Variants in IL1RAPL1 observed in about 807,000 individuals in gnomAD.
IL1RAPL1 encodes interleukin 1 receptor accessory protein like 1.
IL1RAPL1 carries 3 observed loss-of-function variants against 48.4 expected under a neutral mutation model. The observed-to-expected ratio is 0.06, with a 90% CI of 0.03 to 0.16. The LOEUF is 0.16. Ranked by LOEUF, IL1RAPL1 falls within the 10% of genes least tolerant of loss-of-function variation. The pLI, the probability that IL1RAPL1 is intolerant of heterozygous loss-of-function variation, is 1.00. For missense variants in IL1RAPL1, 349 were observed against 530.6 expected (o/e 0.66, Z 3.36); for synonymous variants, 185 against 187.7 (o/e 0.99, Z 0.12).
At chrX:29,644,496 A>G (rs1246115922) in intron 5 of IL1RAPL1, among the ~76,000 whole-genome samples, 1 of 110,906 alleles carries the variant, frequency 9.0e-6, no homozygotes, top group Non-Finnish European at 1.9e-5. Flanking sequence ...GAAATCACCC[A>G]TATCCAGGAC....
At chrX:28,812,317 G>T (rs1402784711) in intron 2 of IL1RAPL1, among the ~76,000 whole-genome samples, 1 of 110,224 alleles carries the variant, frequency 9.1e-6, no homozygotes, top group African/African-American at 3.3e-5. Flanking sequence ...ATATTGATTT[G>T]CCAAAGAATC....
intron 2 of IL1RAPL1, among the ~76,000 whole-genome samples, chrX:29,059,455 A>C (rs1258272041): frequency 8.9e-6 from 1 of 112,228 alleles, no homozygotes; most frequent in East Asian, 2.8e-4. Context: ...ATTTACACCT[A>C]AAACTATAGT....
chrX:28,926,976 C>T (rs1923759558), intron 2 of IL1RAPL1, among the ~76,000 whole-genome samples: 1 of 111,233 alleles, frequency 9.0e-6, no homozygotes, highest in Admixed American at 9.6e-5. Flanking sequence ...ATTACTACAG[C>T]CTTGAAATCC....
intron 3 of IL1RAPL1, among the ~76,000 whole-genome samples, chrX:29,285,501 G>A (rs141183369): frequency 0.042 from 3,111 of 74,255 alleles, 200 homozygotes; most frequent in African/African-American, 0.16. Context: ...CATTGCACTG[G>A]CAACAAGAGC....
intron 5 of IL1RAPL1, among the ~76,000 whole-genome samples, chrX:29,522,091 C>T (rs1935508876): frequency 8.9e-6 from 1 of 112,076 alleles, no homozygotes; most frequent in Admixed American, 9.5e-5. Context: ...GAGGCCACTA[C>T]AGCATTTATC....
intron 2 of IL1RAPL1, among the ~76,000 whole-genome samples, chrX:28,857,698 A>G (rs1921839484): frequency 9.0e-6 from 1 of 111,509 alleles, no homozygotes; most frequent in African/African-American, 3.3e-5. Context: ...CTTTCAAAAT[A>G]TTACTGCTTA....
intron 6 of IL1RAPL1, among the ~76,000 whole-genome samples, chrX:29,820,636 A>G (rs1439379919): frequency 8.9e-6 from 1 of 111,796 alleles, no homozygotes; most frequent in Non-Finnish European, 1.9e-5. Context: ...TCCAAACTAC[A>G]TTTCATGCTG....
chrX:29,310,291 A>G (rs1602163838), intron 3 of IL1RAPL1, among the ~76,000 whole-genome samples: 1 of 108,187 alleles, frequency 9.2e-6, no homozygotes, highest in South Asian at 3.9e-4. Flanking sequence ...TCATGGCTTT[A>G]TATTTATAAA....
chrX:29,322,351 C>G (rs1932809977), intron 3 of IL1RAPL1, among the ~76,000 whole-genome samples: 1 of 110,127 alleles, frequency 9.1e-6, no homozygotes, highest in Non-Finnish European at 1.9e-5. Context: ...ACTGCAACCT[C>G]TGCCTCCTGG....
intron 5 of IL1RAPL1, among the ~76,000 whole-genome samples, chrX:29,592,816 T>A (rs1368579878): frequency 8.9e-6 from 1 of 111,881 alleles, no homozygotes; most frequent in Non-Finnish European, 1.9e-5. Context: ...AGGCCTTGAT[T>A]TCCTCAGAGC....
At chrX:29,430,821 A>G (rs1327293038) in intron 5 of IL1RAPL1, among the ~76,000 whole-genome samples, 1 of 110,543 alleles carries the variant, frequency 9.0e-6, no homozygotes, top group Non-Finnish European at 1.9e-5. Context: ...AACATGAAAA[A>G]GAGATCAGAA....
At chrX:28,818,046 C>T (rs182445429) in intron 2 of IL1RAPL1, among the ~76,000 whole-genome samples, 12 of 110,764 alleles carry the variant, frequency 1.1e-4, no homozygotes, top group Admixed American at 8.7e-4. Flanking sequence ...CAACTGCTGC[C>T]GCCTGAATTA....
At chrX:29,608,724 G>A (rs1191416698) in intron 5 of IL1RAPL1, among the ~76,000 whole-genome samples, 1 of 100,958 alleles carries the variant, frequency 9.9e-6, no homozygotes, top group Non-Finnish European at 2.0e-5. Context: ...TACTCGGGAG[G>A]CTGAGGCAGG....
At position 29,230,504 on chromosome X, in the gene IL1RAPL1, C is replaced by CAAATAAAAAAA. The variant is rs1931170482; in HGVS notation, c.83-52431_83-52430insTAAAAAAAAAA. On this transcript the variant is annotated intron_variant, in intron 2 of 10. Transcript: ENST00000378993. ...TGCTCTATCATTATGGTCCCTTTAC[C>CAAATAAAAAAA]AAAAAAAAAAAAAAAAAAAAAAAAA... is the stretch of plus-strand genomic sequence containing the variant. Among the ~76,000 whole-genome samples, 10 of 16,589 alleles carry CAAATAAAAAAA rather than the reference C, an allele frequency of 6.0e-4. 1 individual carries two copies. The highest frequency in any genetic ancestry group is 8.4e-4 in the Non-Finnish European group (9 of 10,694). The allele number at this position is 16,589 out of a possible 115,157, so 14.4% of individuals were successfully genotyped here. A position where few individuals can be genotyped will look rare whatever the true frequency, so the allele number is the denominator to read the frequency against.
At chrX:29,867,865 G>C (rs1423465313) in intron 6 of IL1RAPL1, among the ~76,000 whole-genome samples, 1 of 112,055 alleles carries the variant, frequency 8.9e-6, no homozygotes, top group Non-Finnish European at 1.9e-5. Flanking sequence ...ACAATTCTAA[G>C]TCATCATTAA....
At chrX:29,356,687 C>T (rs1475023921) in intron 3 of IL1RAPL1, among the ~76,000 whole-genome samples, 3 of 111,280 alleles carry the variant, frequency 2.7e-5, no homozygotes, top group Non-Finnish European at 5.7e-5. Context: ...AACCAGTTGC[C>T]TCTACATCTA....
At chrX:28,610,194 A>G (rs919787589) in intron 1 of IL1RAPL1, among the ~76,000 whole-genome samples, 1 of 112,044 alleles carries the variant, frequency 8.9e-6, no homozygotes, top group Non-Finnish European at 1.9e-5. Context: ...GCTTGATTAC[A>G]GTGTTCAAAA....
chrX:29,309,978 C>T (rs528575875), intron 3 of IL1RAPL1, among the ~76,000 whole-genome samples: 1 of 106,415 alleles, frequency 9.4e-6, no homozygotes, highest in South Asian at 4.3e-4. Flanking sequence ...CCTGTAGTCC[C>T]AGCTACTCGG....
At chrX:29,453,127 G>A (rs1388919689) in intron 5 of IL1RAPL1, among the ~76,000 whole-genome samples, 3 of 108,624 alleles carry the variant, frequency 2.8e-5, no homozygotes, top group East Asian at 5.8e-4. Flanking sequence ...GTTTCACCAT[G>A]TTGGCCAGAG....
Sources: gnomAD v4.1 joint callset for allele counts (sites outside exome capture counted in the v4.1 genomes callset) on GRCh38, gnomAD v4.1.1 for gene constraint, MANE v1.5 for transcripts, NCBI Gene and HGNC (gene_info 2026-07-23, HGNC 2026-07-21) for gene names.